Variants in ARID4A observed in about 807,000 individuals in gnomAD.
ARID4A encodes AT-rich interactive domain-containing protein 4A.
Under a neutral mutation model 148.6 loss-of-function variants are expected in ARID4A, and 39 were observed. That is an observed-to-expected ratio of 0.26 (90% CI 0.20 to 0.34). The LOEUF (loss-of-function observed/expected upper bound fraction) is 0.34. Ranked by LOEUF, ARID4A falls within the 10% of genes least tolerant of loss-of-function variation. The pLI is 1.00. For missense variants in ARID4A, 1,265 were observed against 1,449.1 expected (o/e 0.87, Z 2.06); for synonymous variants, 475 against 481.2 (o/e 0.99, Z 0.17).
chr14:58,367,888 A>G (rs1311135255), intron 23 of ARID4A, among the ~76,000 whole-genome samples: 1 of 152,214 alleles, frequency 6.6e-6, no homozygotes, highest in Non-Finnish European at 1.5e-5. Flanking sequence ...TAATGCTGAA[A>G]CTAAGCTTGC....
At chr14:58,301,996 T>A (rs1270752947) in intron 3 of ARID4A, among the ~76,000 whole-genome samples, 2 of 152,208 alleles carry the variant, frequency 1.3e-5, no homozygotes, top group Non-Finnish European at 1.5e-5. Flanking sequence ...GAGACAATTT[T>A]AGTGTTTAGG....
In ARID4A at chr14:58,373,366, G is replaced by C. The variant is rs1411888308; in HGVS notation, c.*1377G>C. 5.4e-6 allele frequency: 1 copy of C among 185,076 alleles called. No homozygotes were observed. The highest frequency in any genetic ancestry group is 1.1e-5 in the Non-Finnish European group (1 of 87,354). 11.5% of individuals were successfully genotyped at this position (185,076 alleles called of 1,614,324 possible). ...TATGTAAAAAGGTGATTTTATAAAA[G>C]CAGTTTTTAAATTCATGTTTGTACA... On this transcript the variant is annotated 3_prime_UTR_variant, in exon 24 of 24. Coordinates refer to ENST00000355431, the MANE Select transcript of ARID4A (RefSeq NM_002892.4).
chr14:58,364,688 A>G lies in ARID4A; in HGVS notation c.2599A>G (p.Lys867Glu), dbSNP rs1299118738. Residue 867 changes from lysine to glutamate, a missense_variant, in exon 20 of 24, where the codon AAA becomes GAA. Lys to Glu is a moderately conservative substitution (Grantham distance 56). Around this residue, in one of 9 missense-constraint regions of ARID4A, gnomAD observed 666 missense variants for 730.9 expected, o/e 0.91. Transcript: ENST00000355431. ...AATACTAGGACAATCATCGCCAGAG[A>G]AAAAAATAAGAATTGAGAATGGAAT... is the stretch of plus-strand genomic sequence containing the variant. The part of the protein sequence containing the change: ...RKILGQSSPE[K>E]KIRIENGMEM... 6 of 1,613,758 alleles carry G rather than the reference A, an allele frequency of 3.7e-6. No individual in the cohort carries two copies. Among genetic ancestry groups the G allele is most frequent in the African/African-American group, 1.3e-5 (1 of 74,932 alleles).
chr14:58,328,519 G>A (rs1165589438), intron 9 of ARID4A, among the ~76,000 whole-genome samples: 1 of 151,990 alleles, frequency 6.6e-6, no homozygotes, highest in East Asian at 1.9e-4. Flanking sequence ...TGAACATTAT[G>A]TGAGAACAAT....
At chr14:58,305,175 C>G (rs2031505292) in intron 4 of ARID4A, among the ~76,000 whole-genome samples, 166 bp downstream of exon 4, 1 of 152,076 alleles carries the variant, frequency 6.6e-6, no homozygotes, top group Admixed American at 6.5e-5. Flanking sequence ...ATTGCAATGG[C>G]TGTATTCTGT....
At position 58,372,563 on chromosome 14, in the gene ARID4A, T is replaced by C. The variant is rs114355066; in HGVS notation, c.*574T>C. 6.9e-3 allele frequency: 1,449 copies of C among 210,386 alleles called. 19 individuals are homozygous for C. The highest frequency in any genetic ancestry group is 0.031 in the African/African-American group (1,350 of 44,218). 13.0% of individuals were successfully genotyped at this position (210,386 alleles called of 1,614,324 possible). A position where few individuals can be genotyped will look rare whatever the true frequency, so the allele number is the denominator to read the frequency against. On this transcript the variant is annotated 3_prime_UTR_variant, in exon 24 of 24. Coordinates refer to ENST00000355431, the MANE Select transcript of ARID4A (RefSeq NM_002892.4). The stretch of plus-strand genomic sequence containing the variant: ...AAATAAATTGTGAAAGGAAGTGTAG[T>C]TGACTGAAAACTACAGTTGTAATAA...
chr14:58,337,246 T>TATATATATATATATATATATTTATATATA (rs1555361738), intron 11 of ARID4A, among the ~76,000 whole-genome samples: 1 of 83,818 alleles, frequency 1.2e-5, no homozygotes, highest in African/African-American at 4.2e-5. Context: ...TTCTCTTTAT[T>TATATATATATATATATATATTTATATATA]TATATATATA....
intron 7 of ARID4A, 76 bp from the exon 8 acceptor site, chr14:58,323,404 ATTGAC>A: frequency 6.7e-7 from 1 of 1,486,456 alleles, no homozygotes; most frequent in South Asian, 1.2e-5. Context: ...TAGAAATTGA[ATTGAC>A]TATATTAAAT....
rs188875889 is a variant in ARID4A at position 58,328,538 on chromosome 14, C to G, written c.662+222C>G. Among the ~76,000 whole-genome samples the G allele has an allele frequency of 3.1e-3, 476 of 151,854 alleles. 4 individuals carry two copies. The highest frequency in any genetic ancestry group is 3.8e-3 in the Non-Finnish European group (258 of 67,928). On this transcript the variant is annotated intron_variant, in intron 9 of 23. Coordinates refer to ENST00000355431, the MANE Select transcript of ARID4A (RefSeq NM_002892.4). ...CATTATGTGAGAACAATATTAAGAACAGTTTTTTTTTTAGCAAAAGATGGT... is the reference window on the plus strand; with the variant it reads ...CATTATGTGAGAACAATATTAAGAAGAGTTTTTTTTTTAGCAAAAGATGGT...
rs1370559858 is a variant in ARID4A at position 58,364,476 on chromosome 14, G to A, written c.2387G>A (p.Arg796Gln). 14 of 1,612,656 alleles carry A rather than the reference G, an allele frequency of 8.7e-6. No individual in the cohort carries two copies. Among genetic ancestry groups the A allele is most frequent in the East Asian group, 2.2e-5 (1 of 44,786 alleles). ...AEKSPKGKGR[R>Q]SKTKDLSLEI... Reference sequence around the variant, plus strand: ...AAATCTCCAAAAGGAAAGGGAAGACGAAGCAAGACAAAAGATCTTTCTTTA... The same window carrying A: ...AAATCTCCAAAAGGAAAGGGAAGACAAAGCAAGACAAAAGATCTTTCTTTA... The change falls in exon 20 of 24, where the codon CGA becomes CAA. Residue 796 changes from arginine to glutamine, a missense_variant. Coordinates refer to ENST00000355431, the MANE Select transcript of ARID4A (RefSeq NM_002892.4).
intron 11 of ARID4A, among the ~76,000 whole-genome samples, chr14:58,337,258 A>ATATATATATATATATATATATT (rs2033877481): frequency 7.5e-6 from 1 of 132,656 alleles, no homozygotes; most frequent in Non-Finnish European, 1.6e-5. Context: ...ATATATATAT[A>ATATATATATATATATATATATT]TATATATATA....
chr14:58,335,870 TC>T (rs1935696029), intron 11 of ARID4A, among the ~76,000 whole-genome samples: 1 of 152,186 alleles, frequency 6.6e-6, no homozygotes, highest in African/African-American at 2.4e-5. Context: ...TCGTTTGGTT[TC>T]TTTTCTTCTT....
chr14:58,299,849 A>G lies in ARID4A; in HGVS notation c.-6A>G. On this transcript the variant is annotated 5_prime_UTR_variant, in exon 2 of 24. Coordinates refer to ENST00000355431, the MANE Select transcript of ARID4A (RefSeq NM_002892.4). ...TGAGCTGGAACCCCACAGATCACCA[A>G]CAAAAATGAAGGTAAGTGGAGTCAA... 2 of 1,614,138 alleles carry G rather than the reference A, an allele frequency of 1.2e-6. No homozygotes were observed. The highest frequency in any genetic ancestry group is 2.7e-5 in the African/African-American group (2 of 75,034).
At chr14:58,306,253 T>A in intron 5 of ARID4A, 141 bp downstream of exon 5, 2 of 575,066 alleles carry the variant, frequency 3.5e-6, no homozygotes, top group Non-Finnish European at 5.9e-6. Flanking sequence ...ACTAAAATTC[T>A]AAGAATGCCC....
chr14:58,334,714 A>AACT lies in ARID4A; in HGVS notation c.906+4545_906+4546insACT, dbSNP rs2033712677. On this transcript the variant is annotated intron_variant, in intron 11 of 23. Transcript: ENST00000355431. ...GATAGTGTTTTGTCCTCCCTATAAG[A>AACT]TGAGTCTCTCAGGTTATGCTGTGGA... 2.0e-5 allele frequency among the ~76,000 whole-genome samples: 3 copies of AACT among 152,088 alleles called. No homozygotes were observed. The South Asian group carries it at 6.2e-4, about 32-fold the overall frequency.
In ARID4A at chr14:58,364,303, G is replaced by T. The variant is rs749862425; in HGVS notation, c.2214G>T (p.Lys738Asn). 3.2e-6 allele frequency: 5 copies of T among 1,562,246 alleles called. No individual in the cohort carries two copies. The highest frequency in any genetic ancestry group is 2.3e-5 in the East Asian group (1 of 43,720). The change falls in exon 20 of 24, where the codon AAG becomes AAT. Residue 738 changes from lysine (K) to asparagine (N), a missense_variant. Physicochemically the swap from Lys to Asn is moderately conservative, Grantham distance 94 (BLOSUM62 0). Around this residue, in one of 9 missense-constraint regions of ARID4A, gnomAD observed 666 missense variants for 730.9 expected, o/e 0.91. Coordinates refer to ENST00000355431, the MANE Select transcript of ARID4A (RefSeq NM_002892.4). ...ATAAGCTAGATGAAGAAAATCCAAA[G>T]ATTTCTGCACATATATTAAAAGAAA... The part of the protein sequence containing the change: ...NDDKLDEENP[K>N]ISAHILKEND...
At chr14:58,335,799 C>G (rs964084872) in intron 11 of ARID4A, among the ~76,000 whole-genome samples, 6 of 152,170 alleles carry the variant, frequency 3.9e-5, no homozygotes, top group Admixed American at 1.3e-4. Flanking sequence ...AACCCCCTGT[C>G]CAATCAGATA....
At position 58,360,718 on chromosome 14, in the gene ARID4A, A is replaced by G. The variant is rs574365380; in HGVS notation, c.1939-183A>G. Among the ~76,000 whole-genome samples the G allele has an allele frequency of 2.1e-4, 32 of 152,374 alleles. 2 individuals carry two copies. The highest frequency in any genetic ancestry group is 8.3e-4 in the South Asian group (4 of 4,830). ...ACCAATTTCCGTGACACTAATGTTAATAAGTTCTGATAACCTCTCAGACCA... is the reference window on the plus strand; with the variant it reads ...ACCAATTTCCGTGACACTAATGTTAGTAAGTTCTGATAACCTCTCAGACCA... On this transcript the variant is annotated intron_variant, in intron 18 of 23. Coordinates refer to ENST00000355431, the MANE Select transcript of ARID4A (RefSeq NM_002892.4).
chr14:58,305,412 A>C (rs2031526442), intron 4 of ARID4A, among the ~76,000 whole-genome samples: 1 of 152,132 alleles, frequency 6.6e-6, no homozygotes, highest in Non-Finnish European at 1.5e-5. Context: ...AATTCAATTT[A>C]ATGAATACCT....
Sources: gnomAD v4.1 joint callset for allele counts (sites outside exome capture counted in the v4.1 genomes callset) on GRCh38, gnomAD v4.1.1 for gene constraint, gnomAD v4.1.1 regional missense constraint, MANE v1.5 for transcripts, NCBI Gene and HGNC (gene_info 2026-07-23, HGNC 2026-07-21) for gene names.